Variants in NAV2 observed in about 807,000 individuals in gnomAD.
The protein encoded by NAV2 is helicase, APC down-regulated 1.
A neutral mutation model predicts 223.2 loss-of-function variants in NAV2; 54 were observed. The observed-to-expected ratio is 0.24, with a 90% CI of 0.19 to 0.30. The LOEUF (loss-of-function observed/expected upper bound fraction) is 0.30. Ranked by LOEUF, NAV2 falls within the 10% of genes least tolerant of loss-of-function variation. The probability of loss-of-function intolerance (pLI) is 1.00; values close to 1 mark genes in which losing one functional copy is unlikely to be tolerated. For synonymous variants in NAV2, 1,279 were observed against 1,239.3 expected (o/e 1.03, Z -0.67); for missense variants, 2,806 against 3,147.5 (o/e 0.89, Z 2.60).
intron 11 of NAV2, among the ~76,000 whole-genome samples, chr11:19,987,314 C>T (rs1252667286): frequency 6.6e-6 from 1 of 152,238 alleles, no homozygotes; most frequent in East Asian, 1.9e-4. Context: ...ATCGAAGGTC[C>T]CAGAGCTAAG....
At chr11:19,780,058 G>A (rs992002423) in intron 1 of NAV2, among the ~76,000 whole-genome samples, 1 of 152,212 alleles carries the variant, frequency 6.6e-6, no homozygotes, top group African/African-American at 2.4e-5. Flanking sequence ...TAAAGGTCTT[G>A]CTTCATGTTC....
At chr11:19,356,420 C>A (rs934962157) in intron 1 of NAV2, among the ~76,000 whole-genome samples, 1 of 152,192 alleles carries the variant, frequency 6.6e-6, no homozygotes, top group African/African-American at 2.4e-5. Context: ...CCAGCCGCAG[C>A]ATGAGGCACT....
chr11:19,934,321 A>T, intron 7 of NAV2, 44 bp downstream of exon 7: 1 of 1,516,766 alleles, frequency 6.6e-7, no homozygotes, highest in Non-Finnish European at 8.8e-7. Context: ...CATTGGGTAA[A>T]AGTTCCTTTA....
At chr11:19,410,605 A>G (rs1018460243) in intron 1 of NAV2, among the ~76,000 whole-genome samples, 1 of 152,156 alleles carries the variant, frequency 6.6e-6, no homozygotes, top group South Asian at 2.1e-4. Context: ...GACTCCTGTT[A>G]TAGGATATTC....
At chr11:19,430,254 T>C (rs562688565) in intron 1 of NAV2, among the ~76,000 whole-genome samples, 2 of 152,200 alleles carry the variant, frequency 1.3e-5, no homozygotes, top group Non-Finnish European at 2.9e-5. Flanking sequence ...GGCCATCCAA[T>C]CACCTTTGCT....
intron 1 of NAV2, among the ~76,000 whole-genome samples, chr11:19,361,736 G>A (rs1429860177): frequency 1.3e-5 from 2 of 152,136 alleles, no homozygotes; most frequent in Non-Finnish European, 2.9e-5. Flanking sequence ...AGAGAGAAAC[G>A]GCAAATAAGC....
chr11:19,799,502 G>A (rs962188433), intron 1 of NAV2, among the ~76,000 whole-genome samples: 8 of 149,768 alleles, frequency 5.3e-5, no homozygotes, highest in Non-Finnish European at 8.9e-5. Flanking sequence ...CAATGAACCC[G>A]GTATCTCCCA....
At chr11:19,498,624 C>T (rs1257108495) in intron 1 of NAV2, among the ~76,000 whole-genome samples, 1 of 152,220 alleles carries the variant, frequency 6.6e-6, no homozygotes, top group Non-Finnish European at 1.5e-5. Flanking sequence ...TTTATTCCTA[C>T]CTGTTCATTC....
chr11:19,385,808 C>T (rs1225095841), intron 1 of NAV2, among the ~76,000 whole-genome samples: 1 of 135,946 alleles, frequency 7.4e-6, no homozygotes, highest in Non-Finnish European at 1.5e-5. Flanking sequence ...GTCGCCCAGG[C>T]TGGAGTGCAT....
intron 10 of NAV2, 32 bp downstream of exon 10, chr11:19,949,112 G>A (rs771794895): frequency 1.9e-6 from 3 of 1,545,002 alleles, no homozygotes; most frequent in South Asian, 1.3e-5. Context: ...TTCTCCCAGA[G>A]AGAAAGAGGG....
chr11:19,554,367 C>T (rs2044796290), intron 1 of NAV2, among the ~76,000 whole-genome samples: 3 of 152,202 alleles, frequency 2.0e-5, no homozygotes, highest in African/African-American at 7.2e-5. Flanking sequence ...GCCAACCTTA[C>T]AGTTTGTGAT....
At chr11:19,729,496 C>T (rs1455701507) in intron 1 of NAV2, among the ~76,000 whole-genome samples, 1 of 152,206 alleles carries the variant, frequency 6.6e-6, no homozygotes, top group Non-Finnish European at 1.5e-5. Flanking sequence ...TCTTTGTCCT[C>T]TCTTTAAGGC....
rs115171986 is a variant in NAV2 at position 19,786,052 on chromosome 11, A to G, written c.268-46432A>G. On this transcript the variant is annotated intron_variant, in intron 1 of 37. Transcript: ENST00000349880. ...GATAGCCAAGTTGGTCAAAAAAGAA[A>G]AAAAGGGCAAAGACAGGAATTTGGA... Among the ~76,000 whole-genome samples, 599 of 152,322 alleles carry G rather than the reference A, an allele frequency of 3.9e-3. 6 individuals carry two copies. Among genetic ancestry groups the G allele is most frequent in the African/African-American group, 0.014 (572 of 41,582 alleles).
intron 1 of NAV2, among the ~76,000 whole-genome samples, chr11:19,830,314 C>T (rs750814806): frequency 1.2e-4 from 19 of 152,128 alleles, no homozygotes; most frequent in Non-Finnish European, 1.9e-4. Flanking sequence ...GAGGATGCCA[C>T]GGAAGGGATG....
Position 20,056,442 on chromosome 11 carries a change from A to G in NAV2, c.4831+485A>G, listed in dbSNP as rs186471102. On this transcript the variant is annotated intron_variant, in intron 19 of 37. Transcript: ENST00000349880. Reference sequence around the variant, plus strand: ...TCTCAAGCACTGGGTTTTTAAGTGTATTGTTTTCAGTTATGCCCTTTTCTT... The same window carrying G: ...TCTCAAGCACTGGGTTTTTAAGTGTGTTGTTTTCAGTTATGCCCTTTTCTT... The G allele has an allele frequency of 1.1e-4, 101 of 912,020 alleles. No homozygotes were observed. The East Asian group carries it at 2.2e-3, about 20-fold the overall frequency. The allele number at this position is 912,020 out of a possible 1,614,324, so 56.5% of individuals were successfully genotyped here.
At chr11:19,404,863 CT>C (rs1200648487) in intron 1 of NAV2, among the ~76,000 whole-genome samples, 3 of 151,196 alleles carry the variant, frequency 2.0e-5, no homozygotes, top group East Asian at 1.9e-4. Flanking sequence ...GGTAAAACAA[CT>C]TTTTTTTCTT....
intron 29 of NAV2, among the ~76,000 whole-genome samples, chr11:20,094,929 T>G (rs1013163149): frequency 3.3e-5 from 5 of 152,240 alleles, no homozygotes; most frequent in African/African-American, 1.2e-4. Flanking sequence ...CTATCAGCTT[T>G]TCTTTTATCA....
intron 10 of NAV2, among the ~76,000 whole-genome samples, chr11:19,980,475 G>A (rs2050199146): frequency 6.6e-6 from 1 of 152,180 alleles, no homozygotes; most frequent in African/African-American, 2.4e-5. Flanking sequence ...TGTGACCTCA[G>A]ACAAGTCATT....
At chr11:19,664,501 T>C (rs953692672) in intron 1 of NAV2, among the ~76,000 whole-genome samples, 1 of 152,166 alleles carries the variant, frequency 6.6e-6, no homozygotes, top group African/African-American at 2.4e-5. Flanking sequence ...CCAAGCTTAA[T>C]TTAGAGCCAT....
Sources: gnomAD v4.1 joint callset for allele counts (sites outside exome capture counted in the v4.1 genomes callset) on GRCh38, gnomAD v4.1.1 for gene constraint, MANE v1.5 for transcripts, NCBI Gene and HGNC (gene_info 2026-07-23, HGNC 2026-07-21) for gene names.